Variants in BRPF1 observed in about 807,000 individuals in gnomAD.
The protein encoded by BRPF1 is bromodomain and PHD finger containing 1, also known as peregrin.
In BRPF1, 15 loss-of-function variants were observed where a neutral mutation model predicts 115.0. The observed-to-expected ratio is 0.13, with a 90% CI of 0.09 to 0.20. The LOEUF is 0.20. BRPF1 is among the 10% of genes least tolerant of loss of function. The pLI, the probability that BRPF1 is intolerant of heterozygous loss-of-function variation, is 1.00. For synonymous variants in BRPF1, 647 were observed against 619.8 expected (o/e 1.04, Z -0.65); for missense variants, 1,118 against 1,638.3 (o/e 0.68, Z 5.48).
rs905665268 is a variant in BRPF1 at position 9,740,805 on chromosome 3, C to G, written c.1586C>G (p.Thr529Ser). The change falls in exon 4 of 14, where the codon ACC (threonine) becomes AGC (serine). Residue 529 changes from threonine (T) to serine (S), a missense_variant. Transcript: ENST00000383829. ...HRLSKITNRL[T>S]IQRKSQFMQR... Reference sequence around the variant, plus strand: ...CTTAGTAAAATCACCAACCGCCTGACCATCCAAAGGAAGAGCCAGTTCATG... The same window carrying G: ...CTTAGTAAAATCACCAACCGCCTGAGCATCCAAAGGAAGAGCCAGTTCATG... 4 of 1,614,042 alleles carry G rather than the reference C, an allele frequency of 2.5e-6. No individual in the cohort carries two copies. The African/African-American group carries it at 5.3e-5, about 22-fold the overall frequency.
At chr3:9,732,942 C>T (rs374533036) in intron 1 of BRPF1, among the ~76,000 whole-genome samples, 11 of 152,122 alleles carry the variant, frequency 7.2e-5, no homozygotes, top group East Asian at 3.9e-4. Flanking sequence ...TTCCTGAGGC[C>T]TGGTGCCATC....
intron 2 of BRPF1, among the ~76,000 whole-genome samples, chr3:9,737,718 TG>T (rs937822120): frequency 2.6e-5 from 4 of 152,370 alleles, no homozygotes; most frequent in Non-Finnish European, 5.9e-5. Context: ...CGTCTGTATG[TG>T]GTCACACATG....
At chr3:9,736,578 C>G (rs1039429559) in intron 2 of BRPF1, among the ~76,000 whole-genome samples, 1 of 152,190 alleles carries the variant, frequency 6.6e-6, no homozygotes, top group African/African-American at 2.4e-5. Flanking sequence ...TCTGCTCTAA[C>G]AGGCAGCCCA....
At position 9,742,724 on chromosome 3, in the gene BRPF1, G is replaced by A. The variant is rs561689074; in HGVS notation, c.2002-220G>A. 2.0e-5 allele frequency among the ~76,000 whole-genome samples: 3 copies of A among 152,298 alleles called. No individual in the cohort carries two copies. In the East Asian group the frequency reaches 5.8e-4, roughly 29 times the overall value. On this transcript the variant is annotated intron_variant, in intron 6 of 13. Transcript: ENST00000383829. The stretch of plus-strand genomic sequence containing the variant: ...TTCATCATTTTCCAGGAGAGGAAAA[G>A]TAGGCCCAGAGAGGTTAAGAGACTT...
At position 9,746,468 on chromosome 3, in the gene BRPF1, C is replaced by T. The variant is rs774189395; in HGVS notation, c.3479+14C>T. On this transcript the variant is annotated intron_variant, in intron 13 of 13. Transcript: ENST00000383829. The stretch of plus-strand genomic sequence containing the variant: ...CAAACGAACCTGGTAAGGAGGGGAG[C>T]ATTTGGTGTGACTCACAGCCACAGA... 6.4e-7 allele frequency: 1 copy of T among 1,552,960 alleles called. No homozygotes were observed. Among genetic ancestry groups the T allele is most frequent in the Non-Finnish European group, 8.8e-7 (1 of 1,141,810 alleles).
rs940378267 is a variant in BRPF1, at chr3:9,739,815, G to A, written c.1416G>A (p.Glu472=). 1 of 1,609,114 alleles carries A rather than the reference G, an allele frequency of 6.2e-7. No homozygotes were observed. The highest frequency in any genetic ancestry group is 1.3e-5 in the African/African-American group (1 of 74,818). Residue 472 remains glutamate (E), a synonymous_variant, in exon 3 of 14, where the codon GAG becomes GAA. Transcript: ENST00000383829. ...GTGAGGAGGATGAAGATGAGGAGGA[G>A]GATGAGGGTAAGGGCTGGAGCTCAG... ...SEGEEDEDEE[E]DEGKGWSSEK...
At chr3:9,746,021 G>T in intron 12 of BRPF1, 91 bp downstream of exon 12, 2 of 1,420,428 alleles carry the variant, frequency 1.4e-6, no homozygotes, top group East Asian at 2.3e-5. Flanking sequence ...CTGAGCTGTG[G>T]GGCACAGAGT....
In BRPF1 at chr3:9,741,636, CAAAAAAAAAAA is replaced by C. The variant is rs5846643; in HGVS notation, c.1854+207_1854+217del. 3.4e-5 allele frequency among the ~76,000 whole-genome samples: 3 copies of C among 89,240 alleles called. No homozygotes were observed. In the South Asian group the frequency reaches 1.1e-3, roughly 34 times the overall value. The allele number at this position is 89,240 out of a possible 152,430, so 58.5% of individuals were successfully genotyped here. On this transcript the variant is annotated intron_variant, in intron 5 of 13. Transcript: ENST00000383829. The stretch of plus-strand genomic sequence containing the variant: ...TGGGCGACAGAGCGAGACTCCGTCT[CAAAAAAAAAAA>C]AAAAAAAAAGACCCAGGAGAAGGAA...
intron 1 of BRPF1, among the ~76,000 whole-genome samples, chr3:9,732,850 T>TG (rs1166176868): frequency 6.6e-6 from 1 of 152,102 alleles, no homozygotes; most frequent in Non-Finnish European, 1.5e-5. Flanking sequence ...CCTGCCTGGC[T>TG]GGGATGGTGC....
intron 3 of BRPF1, 97 bp from the exon 4 acceptor site, chr3:9,740,682 T>A (rs1376895784): frequency 6.9e-7 from 1 of 1,454,380 alleles, no homozygotes; most frequent in Non-Finnish European, 9.5e-7. Flanking sequence ...TCCTCTCCCT[T>A]CATCCCCATT....
chr3:9,743,361 G>A lies in BRPF1; in HGVS notation c.2311+108G>A. The A allele has an allele frequency of 2.1e-6, 3 of 1,424,454 alleles. No individual in the cohort carries two copies. Among genetic ancestry groups the A allele is most frequent in the Non-Finnish European group, 2.8e-6 (3 of 1,061,160 alleles). The allele number at this position is 1,424,454 out of a possible 1,614,324, so 88.2% of individuals were successfully genotyped here. A position where few individuals can be genotyped will look rare whatever the true frequency, so the allele number is the denominator to read the frequency against. On this transcript the variant is annotated intron_variant, in intron 7 of 13. Coordinates refer to ENST00000383829, the MANE Select transcript of BRPF1 (RefSeq NM_001003694.2). The surrounding 1 kb of genome is among the most constrained non-coding windows in gnomAD (Gnocchi z 6.1). ...AGTGTAGGCAGAAAGCAGCTAGGCT[G>A]AGCAGTGGCAAGCTATCCCCAGGAA...
At chr3:9,746,756 C>T (rs2077133626) in intron 13 of BRPF1, among the ~76,000 whole-genome samples, 1 of 152,044 alleles carries the variant, frequency 6.6e-6, no homozygotes, top group African/African-American at 2.4e-5. Context: ...CCCACCTCTG[C>T]CTCCACAGTG....
intron 2 of BRPF1, among the ~76,000 whole-genome samples, chr3:9,738,660 A>G (rs531012669): frequency 8.4e-4 from 128 of 152,336 alleles, no homozygotes; most frequent in Non-Finnish European, 1.6e-3. Flanking sequence ...CTTTTAGAGG[A>G]GGCTGGCTGA....
chr3:9,733,117 G>A (rs1559653037), intron 1 of BRPF1: 5 of 152,222 alleles, frequency 3.3e-5, no homozygotes, highest in Admixed American at 3.3e-4. Flanking sequence ...CAGCTCAAAT[G>A]TAATACAAGC....
At chr3:9,742,218 A>G in intron 6 of BRPF1, 47 bp downstream of exon 6, 1 of 1,604,692 alleles carries the variant, frequency 6.2e-7, no homozygotes, top group Non-Finnish European at 8.5e-7. Flanking sequence ...TTCCTCTCCC[A>G]GTTGGACCCC....
chr3:9,739,290 C>T lies in BRPF1; in HGVS notation c.891C>T (p.Asn297=). 6.2e-7 allele frequency: 1 copy of T among 1,613,584 alleles called. No homozygotes were observed. The highest frequency in any genetic ancestry group is 8.5e-7 in the Non-Finnish European group (1 of 1,179,546). ...SNVILFCDMC[N]LAVHQECYGV... ...TCATCCTCTTCTGTGACATGTGCAA[C>T]CTGGCCGTGCACCAGGAGTGCTACG... Residue 297 remains asparagine (N), a synonymous_variant, in exon 3 of 14, where the codon AAC becomes AAT. Transcript: ENST00000383829.
At chr3:9,738,831 A>T (rs1296427938) in intron 2 of BRPF1, among the ~76,000 whole-genome samples, 168 bp from the exon 3 acceptor site, 3 of 152,264 alleles carry the variant, frequency 2.0e-5, no homozygotes, top group Non-Finnish European at 2.9e-5. Context: ...TCAGCAAAAT[A>T]GAAACGATGA....
At chr3:9,735,334 C>G (rs1688948421) in intron 2 of BRPF1, among the ~76,000 whole-genome samples, 1 of 152,122 alleles carries the variant, frequency 6.6e-6, no homozygotes, top group African/African-American at 2.4e-5. Context: ...AAATCACATG[C>G]CAGTAGATAG....
intron 8 of BRPF1, 133 bp downstream of exon 8, chr3:9,744,034 ATCAGGGGCCTC>A: frequency 7.8e-7 from 1 of 1,290,196 alleles, no homozygotes; most frequent in South Asian, 1.5e-5. Context: ...TCATTCCCCA[ATCAGGGGCCTC>A]TTAGCTGCCT....
Sources: gnomAD v4.1 joint callset for allele counts (sites outside exome capture counted in the v4.1 genomes callset) on GRCh38, gnomAD v4.1.1 for gene constraint, Gnocchi (gnomAD v3.1) non-coding constraint, MANE v1.5 for transcripts, NCBI Gene and HGNC (gene_info 2026-07-23, HGNC 2026-07-21) for gene names.